SLC25A21: variants seen among roughly 807,000 people sequenced by gnomAD.
The protein encoded by SLC25A21 is solute carrier family 25 member 21.
Under a neutral mutation model 43.8 loss-of-function variants are expected in SLC25A21, and 47 were observed. That is an observed-to-expected ratio of 1.07 (90% CI 0.85 to 1.37). The LOEUF (loss-of-function observed/expected upper bound fraction) is 1.37. SLC25A21 is among the 40% of genes most tolerant of loss of function. The pLI, the probability that SLC25A21 is intolerant of heterozygous loss-of-function variation, is 0.00. For missense variants in SLC25A21, 352 were observed against 350.2 expected (o/e 1.00, Z -0.04); for synonymous variants, 131 against 121.3 (o/e 1.08, Z -0.52).
chr14:36,898,776 G>A (rs1891321590), intron 1 of SLC25A21, among the ~76,000 whole-genome samples: 1 of 152,174 alleles, frequency 6.6e-6, no homozygotes, highest in Non-Finnish European at 1.5e-5. Flanking sequence ...GTGTGGGGTG[G>A]TGCAGTGGCC....
At chr14:36,750,583 T>C (rs1885669311) in intron 3 of SLC25A21, among the ~76,000 whole-genome samples, 1 of 152,204 alleles carries the variant, frequency 6.6e-6, no homozygotes, top group Non-Finnish European at 1.5e-5. Context: ...TTGAGATGTT[T>C]ATTTCCCTCC....
intron 1 of SLC25A21, among the ~76,000 whole-genome samples, chr14:37,162,527 A>C (rs1388099601): frequency 2.6e-5 from 4 of 152,202 alleles, no homozygotes; most frequent in Non-Finnish European, 5.9e-5. Flanking sequence ...GCAGCCAAAA[A>C]ACACACGAAA....
intron 7 of SLC25A21, among the ~76,000 whole-genome samples, chr14:36,710,491 C>T (rs544765921): frequency 1.3e-5 from 2 of 152,164 alleles, no homozygotes; most frequent in Admixed American, 6.5e-5. Context: ...AGTGCAGTGG[C>T]GCAATCATAG....
intron 1 of SLC25A21, among the ~76,000 whole-genome samples, chr14:37,039,306 T>C (rs1450406928): frequency 6.6e-6 from 1 of 152,196 alleles, no homozygotes; most frequent in East Asian, 1.9e-4. Context: ...AACATACAAA[T>C]TGAAAAATTT....
At chr14:36,990,855 T>C (rs1370889750) in intron 1 of SLC25A21, among the ~76,000 whole-genome samples, 3 of 145,956 alleles carry the variant, frequency 2.1e-5, no homozygotes, top group Admixed American at 2.0e-4. Flanking sequence ...CGCTCCAGCC[T>C]GAACTCCAGC....
intron 1 of SLC25A21, among the ~76,000 whole-genome samples, chr14:36,999,633 T>G (rs1960444823): frequency 6.6e-6 from 1 of 152,098 alleles, no homozygotes; most frequent in Admixed American, 6.6e-5. Context: ...TATGAGAAAT[T>G]TCTGTACCTT....
chr14:37,160,796 A>G (rs1427246405), intron 1 of SLC25A21, among the ~76,000 whole-genome samples: 2 of 151,538 alleles, frequency 1.3e-5, no homozygotes, highest in Non-Finnish European at 2.9e-5. Context: ...TGGGCCTGGT[A>G]GCATGTGCCT....
At chr14:36,794,562 G>A (rs544995149) in intron 3 of SLC25A21, among the ~76,000 whole-genome samples, 41 of 152,288 alleles carry the variant, frequency 2.7e-4, no homozygotes, top group African/African-American at 9.9e-4. Context: ...GAGGTCAGGA[G>A]TTTGAGACCA....
At chr14:37,013,737 T>C (rs1960784713) in intron 1 of SLC25A21, among the ~76,000 whole-genome samples, 1 of 152,258 alleles carries the variant, frequency 6.6e-6, no homozygotes, top group South Asian at 2.1e-4. Context: ...CCAGCGTTTA[T>C]TTCCTTATTC....
intron 1 of SLC25A21, among the ~76,000 whole-genome samples, chr14:37,065,029 A>G (rs986689424): frequency 6.6e-6 from 1 of 152,184 alleles, no homozygotes; most frequent in Non-Finnish European, 1.5e-5. Context: ...TTTGGAAAAG[A>G]CTGACAGGAA....
chr14:36,705,487 T>C (rs1883498562), intron 7 of SLC25A21, among the ~76,000 whole-genome samples: 1 of 152,192 alleles, frequency 6.6e-6, no homozygotes, highest in Non-Finnish European at 1.5e-5. Context: ...AGTTAATGCA[T>C]ACAAAATGTA....
At chr14:36,960,622 AG>A (rs1360208034) in intron 1 of SLC25A21, among the ~76,000 whole-genome samples, 2 of 152,048 alleles carry the variant, frequency 1.3e-5, no homozygotes, top group Non-Finnish European at 2.9e-5. Context: ...CTGCCACCTC[AG>A]TCCTTCCCCT....
intron 1 of SLC25A21, among the ~76,000 whole-genome samples, chr14:37,135,053 G>A (rs1006289082): frequency 2.0e-5 from 3 of 151,426 alleles, no homozygotes; most frequent in African/African-American, 4.9e-5. Flanking sequence ...TCAGCCTCCC[G>A]AGTAGTTGAG....
At chr14:36,954,679 T>G (rs953389629) in intron 1 of SLC25A21, among the ~76,000 whole-genome samples, 5 of 152,158 alleles carry the variant, frequency 3.3e-5, no homozygotes, top group African/African-American at 9.7e-5. Flanking sequence ...ATTTTAAGTA[T>G]TGTCACCACA....
intron 1 of SLC25A21, among the ~76,000 whole-genome samples, chr14:37,055,028 T>C (rs962110869): frequency 2.0e-5 from 3 of 152,182 alleles, no homozygotes; most frequent in African/African-American, 7.2e-5. Context: ...GCTATAGACC[T>C]TCATGGCTAT....
intron 1 of SLC25A21, among the ~76,000 whole-genome samples, chr14:37,163,932 A>G (rs922207106): frequency 6.6e-6 from 1 of 152,172 alleles, no homozygotes; most frequent in Non-Finnish European, 1.5e-5. Flanking sequence ...TGTTAATATG[A>G]TCAACAAACA....
At chr14:36,689,247 C>T (rs139749945) in intron 7 of SLC25A21, among the ~76,000 whole-genome samples, 8 of 152,300 alleles carry the variant, frequency 5.3e-5, no homozygotes, top group Non-Finnish European at 8.8e-5. Context: ...GAAACCCATT[C>T]ACTATCACGA....
chr14:37,092,081 C>T (rs562790856), intron 1 of SLC25A21, among the ~76,000 whole-genome samples: 254 of 152,148 alleles, frequency 1.7e-3, no homozygotes, highest in African/African-American at 6.0e-3. Context: ...GAGCCAAGAT[C>T]GTGCCATTGT....
chr14:36,930,143 C>T (rs921468857), intron 1 of SLC25A21, among the ~76,000 whole-genome samples: 11 of 152,164 alleles, frequency 7.2e-5, no homozygotes, highest in African/African-American at 2.7e-4. Context: ...TTTAGGTGTG[C>T]TGGCTGAGGA....
Sources: gnomAD v4.1 joint callset for allele counts (sites outside exome capture counted in the v4.1 genomes callset) on GRCh38, gnomAD v4.1.1 for gene constraint, MANE v1.5 for transcripts, NCBI Gene and HGNC (gene_info 2026-07-23, HGNC 2026-07-21) for gene names.